Variants in RAPH1 observed in about 807,000 individuals in gnomAD.
RAPH1 encodes the protein ras-associated and pleckstrin homology domains-containing protein 1.
RAPH1 carries 18 observed loss-of-function variants against 88.1 expected under a neutral mutation model. The ratio of observed to expected loss-of-function variants is 0.20; its 90% CI spans 0.14 to 0.30. The LOEUF is 0.30. Ranked by LOEUF, RAPH1 falls within the 10% of genes least tolerant of loss-of-function variation. The pLI is 1.00. For synonymous variants in RAPH1, 587 were observed against 559.0 expected (o/e 1.05, Z -0.71); for missense variants, 1,448 against 1,543.2 (o/e 0.94, Z 1.03).
chr2:203,520,691 C>T (rs1689828363), intron 1 of RAPH1, among the ~76,000 whole-genome samples: 1 of 150,586 alleles, frequency 6.6e-6, no homozygotes, highest in African/African-American at 2.4e-5. Flanking sequence ...TAGAAACATA[C>T]TAAAGAAGGT....
At chr2:203,459,332 AT>A (rs1236301388) in intron 7 of RAPH1, among the ~76,000 whole-genome samples, 4 of 152,140 alleles carry the variant, frequency 2.6e-5, no homozygotes, top group Non-Finnish European at 5.9e-5. Flanking sequence ...ACTACTTTTT[AT>A]TGTGGAGTTG....
chr2:203,448,728 G>A lies in RAPH1; in HGVS notation c.1512+10C>T, dbSNP rs1035075342. 1.9e-6 allele frequency: 3 copies of A among 1,556,400 alleles called. No individual in the cohort carries two copies. The highest frequency in any genetic ancestry group is 1.8e-5 in the Admixed American group (1 of 54,628). On this transcript the variant is annotated intron_variant, in intron 11 of 13. Transcript: ENST00000319170. The surrounding 1 kb of genome is among the most constrained non-coding windows in gnomAD (Gnocchi z 4.1). ...TCATTATTCCATCATCAAATCAAAAGGAGACATGCCTTTGCAATGCGGATC... is the reference window on the plus strand; with the variant it reads ...TCATTATTCCATCATCAAATCAAAAAGAGACATGCCTTTGCAATGCGGATC...
rs1273903557 is a variant in RAPH1, at chr2:203,439,652, G to A, written c.3538C>T (p.Arg1180Trp). The change falls in exon 14 of 14, where the codon CGG becomes TGG. Residue 1180 changes from arginine (R) to tryptophan (W), a missense_variant. Around this residue, in one of 2 missense-constraint regions of RAPH1, gnomAD observed 935 missense variants for 890.1 expected, o/e 1.05. Coordinates refer to ENST00000319170, the MANE Select transcript of RAPH1 (RefSeq NM_213589.3). ...ATGCGGGAGGAGAGTGAGCCGTGCC[G>A]AGTGATGGACTTTCGTTGCAGTGTC... Reference protein sequence around the residue: ...NRTLQRKSITRHGSLSSRMSR... With the variant: ...NRTLQRKSITWHGSLSSRMSR... 2.5e-6 allele frequency: 4 copies of A among 1,614,004 alleles called. No homozygotes were observed. Among genetic ancestry groups the A allele is most frequent in the African/African-American group, 1.3e-5 (1 of 74,894 alleles).
intron 13 of RAPH1, chr2:203,442,178 G>A: frequency 8.0e-7 from 1 of 1,254,172 alleles, no homozygotes; most frequent in East Asian, 2.7e-5. Flanking sequence ...GGAAGCTCTG[G>A]AAGGCTAGAA....
intron 1 of RAPH1, among the ~76,000 whole-genome samples, chr2:203,506,864 A>ATATC (rs1270087318): frequency 2.9e-4 from 9 of 30,572 alleles, no homozygotes; most frequent in African/African-American, 4.7e-4. Flanking sequence ...ATCTATATAT[A>ATATC]TATATATATA....
At chr2:203,468,935 G>C (rs2098530849) in intron 4 of RAPH1, among the ~76,000 whole-genome samples, 2 of 152,158 alleles carry the variant, frequency 1.3e-5, no homozygotes, top group African/African-American at 2.4e-5. Flanking sequence ...TAGCAAAGAT[G>C]ATCAGAGGGC....
intron 3 of RAPH1, among the ~76,000 whole-genome samples, chr2:203,490,416 T>C (rs1688207043): frequency 6.6e-6 from 1 of 152,148 alleles, no homozygotes; most frequent in Non-Finnish European, 1.5e-5. Context: ...ATATGATCAA[T>C]GCTTTGGTAG....
chr2:203,452,737 G>A (rs759914475), intron 10 of RAPH1, among the ~76,000 whole-genome samples: 82 of 152,084 alleles, frequency 5.4e-4, no homozygotes, highest in Admixed American at 1.4e-3. Flanking sequence ...TGAGGCAGGC[G>A]GATCACTTGA....
In RAPH1 at chr2:203,436,297, T is replaced by A. The variant is rs1001995745; in HGVS notation, c.*3140A>T. On this transcript the variant is annotated 3_prime_UTR_variant, in exon 14 of 14. Transcript: ENST00000319170. ...TAACTTAACATTCCACATTTTCATT[T>A]AAAAAGTCCCAGAAATATAAACTAT... 1 of 152,172 alleles carries A rather than the reference T, an allele frequency of 6.6e-6. No individual in the cohort carries two copies. Among genetic ancestry groups the A allele is most frequent in the Non-Finnish European group, 1.5e-5 (1 of 68,042 alleles). 9.4% of individuals were successfully genotyped at this position (152,172 alleles called of 1,614,324 possible).
chr2:203,513,801 C>CTA (rs1057431472), intron 1 of RAPH1, among the ~76,000 whole-genome samples: 5 of 146,998 alleles, frequency 3.4e-5, no homozygotes, highest in African/African-American at 1.3e-4. Context: ...CGCCACTGCA[C>CTA]TACAGCCCAG....
intron 4 of RAPH1, among the ~76,000 whole-genome samples, chr2:203,476,372 TGTTGGCCAG>T (rs1435391912): frequency 6.6e-6 from 1 of 152,148 alleles, no homozygotes; most frequent in Non-Finnish European, 1.5e-5. Flanking sequence ...GGTTTCGTCA[TGTTGGCCAG>T]GCTGGTCTTG....
intron 2 of RAPH1, among the ~76,000 whole-genome samples, chr2:203,493,262 G>C (rs893245833): frequency 6.6e-6 from 1 of 152,160 alleles, no homozygotes; most frequent in Non-Finnish European, 1.5e-5. Flanking sequence ...ACAGGGGAAA[G>C]TACAAGGTAT....
rs570836724 is a variant in RAPH1, at chr2:203,494,947, A to G, written c.120+287T>C. ...TTAGACTTTTGAATTTCAGGCTTTA[A>G]AAGTTTTTAGCTAATTATCTCATAT... On this transcript the variant is annotated intron_variant, in intron 2 of 13. Coordinates refer to ENST00000319170, the MANE Select transcript of RAPH1 (RefSeq NM_213589.3). Among the ~76,000 whole-genome samples the G allele has an allele frequency of 5.5e-4, 84 of 152,300 alleles. 1 individual carries two copies. The highest frequency in any genetic ancestry group is 3.4e-3 in the Middle Eastern group (1 of 294).
chr2:203,534,181 T>C (rs1690509182), intron 1 of RAPH1, among the ~76,000 whole-genome samples: 1 of 152,196 alleles, frequency 6.6e-6, no homozygotes, highest in South Asian at 2.1e-4. Context: ...GCTCTCCACA[T>C]TTCCCTGAGA....
intron 4 of RAPH1, among the ~76,000 whole-genome samples, chr2:203,489,223 G>A (rs1161030252): frequency 1.3e-5 from 2 of 151,906 alleles, no homozygotes; most frequent in Non-Finnish European, 2.9e-5. Context: ...ATGGTGATAT[G>A]AGTGTTTTTC....
At chr2:203,499,424 CAA>C (rs922725381) in intron 1 of RAPH1, among the ~76,000 whole-genome samples, 1 of 139,932 alleles carries the variant, frequency 7.1e-6, no homozygotes, top group Admixed American at 7.1e-5. Context: ...TTAACAGCAA[CAA>C]AAAAAAAAAA....
chr2:203,526,706 C>CAAA (rs34932665), intron 1 of RAPH1, among the ~76,000 whole-genome samples: 19 of 80,558 alleles, frequency 2.4e-4, no homozygotes, highest in African/African-American at 4.0e-4. Flanking sequence ...AACTCTGTCT[C>CAAA]AAAAAAAAAA....
At chr2:203,494,207 C>G (rs1688410465) in intron 2 of RAPH1, among the ~76,000 whole-genome samples, 1 of 152,054 alleles carries the variant, frequency 6.6e-6, no homozygotes, top group African/African-American at 2.4e-5. Flanking sequence ...CATACCTACG[C>G]AATTTTACAC....
intron 4 of RAPH1, among the ~76,000 whole-genome samples, chr2:203,472,420 CTG>C (rs1461899633): frequency 6.6e-6 from 1 of 152,218 alleles, no homozygotes; most frequent in African/African-American, 2.4e-5. Flanking sequence ...GCGTGAGCCA[CTG>C]TGCCCAGCCA....
Sources: gnomAD v4.1 joint callset for allele counts (sites outside exome capture counted in the v4.1 genomes callset) on GRCh38, gnomAD v4.1.1 for gene constraint, gnomAD v4.1.1 regional missense constraint, Gnocchi (gnomAD v3.1) non-coding constraint, MANE v1.5 for transcripts, NCBI Gene and HGNC (gene_info 2026-07-23, HGNC 2026-07-21) for gene names.